AKAP19: variants seen among roughly 807,000 people sequenced by gnomAD.
AKAP19 encodes the protein A-kinase anchoring protein 19.
chr2:189,941,025 C>A, the AKAP19 span, among the ~76,000 whole-genome samples: 2 of 152,088 alleles, frequency 1.3e-5, no homozygotes, highest in Non-Finnish European at 2.9e-5. Context: ...GAATATAACA[C>A]ATAAAGGAGG....
chr2:190,091,947 GTAAA>G, the AKAP19 span, among the ~76,000 whole-genome samples: 1 of 151,860 alleles, frequency 6.6e-6, no homozygotes, highest in Non-Finnish European at 1.5e-5. Context: ...TATCTACTCA[GTAAA>G]TAAACAAATT....
At chr2:190,152,104 G>A in the AKAP19 span, among the ~76,000 whole-genome samples, 8 of 151,432 alleles carry the variant, frequency 5.3e-5, no homozygotes, top group African/African-American at 1.2e-4. Context: ...TGGGAGGATC[G>A]CTGGAGGTCA....
the AKAP19 span, among the ~76,000 whole-genome samples, chr2:190,043,770 C>T: frequency 5.3e-5 from 8 of 152,284 alleles, no homozygotes; most frequent in South Asian, 1.2e-3. Flanking sequence ...AACACTCTGT[C>T]CATTTGAGTT....
chr2:190,066,157 A>G, the AKAP19 span, among the ~76,000 whole-genome samples: 2 of 152,150 alleles, frequency 1.3e-5, no homozygotes, highest in Non-Finnish European at 2.9e-5. Flanking sequence ...GTATCTCACA[A>G]GACTGGTATG....
At chr2:190,038,941 T>TTCC in the AKAP19 span, among the ~76,000 whole-genome samples, 677 of 143,996 alleles carry the variant, frequency 4.7e-3, 16 homozygotes, top group African/African-American at 0.017. Flanking sequence ...CTTCTTCTTC[T>TTCC]TCTTCTTCTT....
chr2:190,034,698 T>G, the AKAP19 span, among the ~76,000 whole-genome samples: 1 of 150,908 alleles, frequency 6.6e-6, no homozygotes. Context: ...TACAAAAAAT[T>G]AGCCGGGCAT....
chr2:190,034,226 A>C, the AKAP19 span, among the ~76,000 whole-genome samples: 1 of 152,078 alleles, frequency 6.6e-6, no homozygotes, highest in East Asian at 1.9e-4. Context: ...GTTGGGTTTA[A>C]ATAAATGTTT....
chr2:189,898,463 A>G, the AKAP19 span, among the ~76,000 whole-genome samples: 1 of 152,090 alleles, frequency 6.6e-6, no homozygotes, highest in Non-Finnish European at 1.5e-5. Flanking sequence ...CTTTTCTCTC[A>G]TCCACACATT....
At chr2:190,181,275 C>T in the AKAP19 span, 30 of 424,378 alleles carry the variant, frequency 7.1e-5, no homozygotes, top group Admixed American at 5.8e-4. Context: ...TAGAGCCTCA[C>T]ATCTCCGTCC....
chr2:189,896,024 AAC>A, the AKAP19 span, among the ~76,000 whole-genome samples: 26 of 151,792 alleles, frequency 1.7e-4, no homozygotes, highest in Admixed American at 3.3e-4. Flanking sequence ...AAAAAAAAAA[AAC>A]ATACTGCTAA....
the AKAP19 span, among the ~76,000 whole-genome samples, chr2:189,910,970 C>T: frequency 4.6e-5 from 7 of 152,086 alleles, no homozygotes; most frequent in African/African-American, 1.7e-4. Context: ...TTTTAACATA[C>T]TTCTCTAAAG....
the AKAP19 span, among the ~76,000 whole-genome samples, chr2:190,038,748 G>C: frequency 6.6e-6 from 1 of 152,138 alleles, no homozygotes; most frequent in Admixed American, 6.6e-5. Flanking sequence ...CCTTAGCCCC[G>C]TGGCTTACCC....
At chr2:189,959,992 A>G in the AKAP19 span, among the ~76,000 whole-genome samples, 12 of 152,206 alleles carry the variant, frequency 7.9e-5, no homozygotes, top group Non-Finnish European at 1.2e-4. Flanking sequence ...GGGAAACACC[A>G]GTGAGCCACT....
chr2:190,162,425 G>C, the AKAP19 span, among the ~76,000 whole-genome samples: 1 of 152,112 alleles, frequency 6.6e-6, no homozygotes, highest in Non-Finnish European at 1.5e-5. Context: ...ATATACAAAA[G>C]AGAAGCTTGT....
At chr2:190,020,085 G>A in the AKAP19 span, among the ~76,000 whole-genome samples, 3 of 152,086 alleles carry the variant, frequency 2.0e-5, no homozygotes, top group Admixed American at 1.3e-4. Flanking sequence ...ATTAATTTGG[G>A]TTTTGGAGAT....
At chr2:190,095,002 A>C in the AKAP19 span, among the ~76,000 whole-genome samples, 1 of 152,220 alleles carries the variant, frequency 6.6e-6, no homozygotes, top group Non-Finnish European at 1.5e-5. Flanking sequence ...AGATGGGCGG[A>C]TCATGAGGTC....
At chr2:189,884,262 T>C in the AKAP19 span, among the ~76,000 whole-genome samples, 1 of 152,144 alleles carries the variant, frequency 6.6e-6, no homozygotes, top group African/African-American at 2.4e-5. Flanking sequence ...TAATTTTACT[T>C]TAGACACTGG....
the AKAP19 span, among the ~76,000 whole-genome samples, chr2:189,978,317 C>T: frequency 6.6e-6 from 1 of 151,840 alleles, no homozygotes; most frequent in East Asian, 1.9e-4. Flanking sequence ...TTGTTTAGCT[C>T]CCACTTATAA....
the AKAP19 span, among the ~76,000 whole-genome samples, chr2:190,007,762 A>T: frequency 3.9e-5 from 6 of 152,274 alleles, no homozygotes; most frequent in South Asian, 2.1e-4. Flanking sequence ...GGAGTTCGAG[A>T]CCAGCCGGGG....
Sources: gnomAD v4.1 joint callset for allele counts (sites outside exome capture counted in the v4.1 genomes callset) on GRCh38, gnomAD v4.1.1 for gene constraint, MANE v1.5 for transcripts, NCBI Gene and HGNC (gene_info 2026-07-23, HGNC 2026-07-21) for gene names.